Variants in SCN8A observed in about 807,000 individuals in gnomAD.
SCN8A encodes sodium channel protein type 8 subunit alpha.
SCN8A carries 30 observed loss-of-function variants against 184.1 expected under a neutral mutation model. That is an observed-to-expected ratio of 0.16 (90% confidence interval 0.12 to 0.22). SCN8A has a LOEUF of 0.22. SCN8A is among the 10% of genes least tolerant of loss of function. SCN8A has a pLI of 1.00. For missense variants in SCN8A, 1,057 were observed against 2,498.9 expected (o/e 0.42, Z 12.30); for synonymous variants, 852 against 907.0 (o/e 0.94, Z 1.09).
chr12:51,714,190 TC>T (rs1565896976), intron 11 of SCN8A, among the ~76,000 whole-genome samples: 1 of 152,190 alleles, frequency 6.6e-6, no homozygotes, highest in Non-Finnish European at 1.5e-5. Context: ...TGAATGTTCC[TC>T]CTTGATGCTG....
At chr12:51,722,265 G>A (rs1942081138) in intron 12 of SCN8A, 2 of 318,444 alleles carry the variant, frequency 6.3e-6, no homozygotes, top group East Asian at 1.4e-4. Flanking sequence ...TTGCTAGTCT[G>A]TGTGCTTGTG....
chr12:51,612,998 A>G (rs1216947193), intron 1 of SCN8A, among the ~76,000 whole-genome samples: 1 of 152,152 alleles, frequency 6.6e-6, no homozygotes, highest in Non-Finnish European at 1.5e-5. Context: ...CTGAAATTAT[A>G]GGTGTGAGCC....
chr12:51,712,838 T>C (rs1941902696), intron 11 of SCN8A: 1 of 1,297,782 alleles, frequency 7.7e-7, no homozygotes, highest in African/African-American at 1.5e-5. Context: ...TAACTACCTC[T>C]GCTGCCACCA....
At chr12:51,616,534 C>T (rs118029744) in intron 1 of SCN8A, among the ~76,000 whole-genome samples, 4 of 151,870 alleles carry the variant, frequency 2.6e-5, no homozygotes, top group Non-Finnish European at 5.9e-5. Flanking sequence ...ATCATTTGAA[C>T]CCGGGAGGCG....
intron 1 of SCN8A, among the ~76,000 whole-genome samples, chr12:51,595,839 A>C (rs1208242480): frequency 6.6e-6 from 1 of 152,206 alleles, no homozygotes; most frequent in East Asian, 1.9e-4. Flanking sequence ...CTTTATCTTC[A>C]GTCTGGCATA....
chr12:51,765,243 CTT>C (rs1565916341), intron 15 of SCN8A, among the ~76,000 whole-genome samples: 1 of 151,714 alleles, frequency 6.6e-6, no homozygotes, highest in African/African-American at 2.4e-5. Flanking sequence ...TTAATGTTTG[CTT>C]TTTTAAGGAG....
At chr12:51,751,814 T>C (rs1450461034) in intron 14 of SCN8A, among the ~76,000 whole-genome samples, 1 of 152,230 alleles carries the variant, frequency 6.6e-6, no homozygotes, top group African/African-American at 2.4e-5. Flanking sequence ...TTAGGAGCTA[T>C]TGGCAGAAAA....
intron 1 of SCN8A, among the ~76,000 whole-genome samples, chr12:51,646,739 G>C (rs767823144): frequency 3.3e-5 from 5 of 152,214 alleles, no homozygotes; most frequent in Non-Finnish European, 5.9e-5. Flanking sequence ...AGGCTCTTGT[G>C]CCTTGTGGAA....
intron 1 of SCN8A, among the ~76,000 whole-genome samples, chr12:51,621,801 G>A (rs1939969140): frequency 6.6e-6 from 1 of 152,198 alleles, no homozygotes; most frequent in South Asian, 2.1e-4. Flanking sequence ...TAGGCAGAAT[G>A]ACCAGAGAGA....
chr12:51,655,273 C>T (rs1048389603), intron 1 of SCN8A, among the ~76,000 whole-genome samples: 1 of 152,116 alleles, frequency 6.6e-6, no homozygotes, highest in East Asian at 1.9e-4. Flanking sequence ...CTGTTATAAC[C>T]GCATTTCAAT....
intron 1 of SCN8A, among the ~76,000 whole-genome samples, chr12:51,639,181 G>T (rs949525197): frequency 3.9e-5 from 6 of 151,974 alleles, no homozygotes; most frequent in Non-Finnish European, 5.9e-5. Flanking sequence ...GGTTCACCTT[G>T]TTGCCCAGGC....
At chr12:51,772,944 A>G (rs1335874747) in intron 19 of SCN8A, among the ~76,000 whole-genome samples, 4 of 152,074 alleles carry the variant, frequency 2.6e-5, no homozygotes, top group African/African-American at 2.4e-5. Flanking sequence ...GTGAAACCCC[A>G]TCTCTACTGA....
At position 51,786,792 on chromosome 12, in the gene SCN8A, A is replaced by G; in HGVS notation, c.4193A>G (p.Asn1398Ser). ...AAGAACGTGAAGATCAACTTTGACA[A>G]TGTTGGGGCAGGATACCTGGCCCTT... is the stretch of plus-strand genomic sequence containing the variant. ...RWKNVKINFD[N>S]VGAGYLALLQ... The change falls in exon 22 of 27, where the codon AAT becomes AGT. Residue 1398 changes from asparagine to serine, a missense_variant. By Grantham distance (46) the Asn-to-Ser change is conservative (BLOSUM62 1). Transcript: ENST00000627620. 1 of 1,613,914 alleles carries G rather than the reference A, an allele frequency of 6.2e-7. No individual in the cohort carries two copies. The highest frequency in any genetic ancestry group is 8.5e-7 in the Non-Finnish European group (1 of 1,179,882).
chr12:51,679,985 A>G (rs552817458), intron 2 of SCN8A, among the ~76,000 whole-genome samples: 1 of 152,114 alleles, frequency 6.6e-6, no homozygotes, highest in South Asian at 2.1e-4. Context: ...CGACCTCCCA[A>G]AGTGCTGGAC....
chr12:51,600,147 C>T (rs1418835397), intron 1 of SCN8A, among the ~76,000 whole-genome samples: 1 of 152,188 alleles, frequency 6.6e-6, no homozygotes, highest in Non-Finnish European at 1.5e-5. Flanking sequence ...TATCTAAGCT[C>T]TCACTGATAA....
rs200572361 is a variant in SCN8A, at chr12:51,604,497, G to GT, written c.-55+13144dup. Among the ~76,000 whole-genome samples, 545 of 151,650 alleles carry GT rather than the reference G, an allele frequency of 3.6e-3. 1 individual carries two copies. The highest frequency in any genetic ancestry group is 0.012 in the African/African-American group (502 of 41,296). On this transcript the variant is annotated intron_variant, in intron 1 of 26. Coordinates refer to ENST00000627620, the MANE Select transcript of SCN8A (RefSeq NM_001330260.2). ...GGTTTTTTTGTTTGTTTGTTTGTTT[G>GT]TTTTTTGTTTTTTTAACGGGTTTTT...
At position 51,765,754 on chromosome 12, in the gene SCN8A, C is replaced by T; in HGVS notation, c.2628C>T (p.Gly876=). ...TTGGAAATTCAGTGGGTGCCCTGGG[C>T]AACCTGACACTGGTGCTGGCCATTA... is the stretch of plus-strand genomic sequence containing the variant. ...KIIGNSVGAL[G]NLTLVLAIIV... The change falls in exon 16 of 27, where the codon GGC becomes GGT. Residue 876 remains glycine (G), a synonymous_variant. Transcript: ENST00000627620. The T allele has an allele frequency of 1.2e-6, 2 of 1,613,754 alleles. No homozygotes were observed. Among genetic ancestry groups the T allele is most frequent in the South Asian group, 2.2e-5 (2 of 91,068 alleles).
At chr12:51,775,622 C>G (rs575348080) in intron 20 of SCN8A, among the ~76,000 whole-genome samples, 3 of 152,298 alleles carry the variant, frequency 2.0e-5, no homozygotes, top group East Asian at 1.9e-4. Flanking sequence ...ACCTGTACCC[C>G]CCACAGACAG....
intron 2 of SCN8A, among the ~76,000 whole-genome samples, chr12:51,668,131 C>T (rs1004892110): frequency 6.7e-6 from 1 of 150,222 alleles, no homozygotes; most frequent in Admixed American, 6.6e-5. Context: ...TGTGGTGAGC[C>T]GAGATCACGC....
Sources: allele counts gnomAD v4.1 joint callset (sites outside exome capture counted in the v4.1 genomes callset), GRCh38; gene constraint gnomAD v4.1.1; transcripts MANE v1.5; gene names NCBI Gene and HGNC (gene_info 2026-07-23, HGNC 2026-07-21).